The following SPRED1 variants were observed in gnomAD, a reference collection of about 807,000 sequenced individuals.
The protein encoded by SPRED1 is sprouty-related, EVH1 domain-containing protein 1.
In SPRED1, 18 loss-of-function variants were observed where a neutral mutation model predicts 52.3. That is an observed-to-expected ratio of 0.34 (90% CI 0.24 to 0.51). The LOEUF (loss-of-function observed/expected upper bound fraction) is 0.51, where lower values mean the gene tolerates loss of function less well. Among genes scored for constraint, SPRED1 ranks in the 20% least tolerant of loss-of-function variants. The pLI, the probability that SPRED1 is intolerant of heterozygous loss-of-function variation, is 0.97. For missense variants in SPRED1, 485 were observed against 551.0 expected (o/e 0.88, Z 1.20); for synonymous variants, 155 against 179.7 (o/e 0.86, Z 1.10).
chr15:38,296,878 A>G (rs1361594802), intron 1 of SPRED1, among the ~76,000 whole-genome samples: 1 of 152,196 alleles, frequency 6.6e-6, no homozygotes, highest in African/African-American at 2.4e-5. Context: ...ACCTACCATC[A>G]TGAAAGTAAG....
chr15:38,253,761 A>G (rs536739431), intron 1 of SPRED1, among the ~76,000 whole-genome samples: 5 of 152,250 alleles, frequency 3.3e-5, no homozygotes, highest in South Asian at 2.1e-4. Flanking sequence ...AAATAGGGTT[A>G]GGGAAACATT....
chr15:38,299,582 A>G (rs997306826), intron 2 of SPRED1, 35 bp downstream of exon 2: 1 of 1,583,300 alleles, frequency 6.3e-7, no homozygotes, highest in Non-Finnish European at 8.7e-7. Context: ...ATAATTTTAG[A>G]TAATGAATTA....
chr15:38,326,555 C>A (rs1475139445), intron 4 of SPRED1, among the ~76,000 whole-genome samples: 1 of 152,148 alleles, frequency 6.6e-6, no homozygotes, highest in Non-Finnish European at 1.5e-5. Context: ...CTCAGAGAAA[C>A]TTTCGATTGA....
intron 1 of SPRED1, among the ~76,000 whole-genome samples, chr15:38,272,999 A>C (rs1175916134): frequency 6.6e-6 from 1 of 152,264 alleles, no homozygotes; most frequent in East Asian, 1.9e-4. Flanking sequence ...CTCTGTTGAT[A>C]GTTTCCTTTG....
chr15:38,289,333 C>T (rs1189582085), intron 1 of SPRED1, among the ~76,000 whole-genome samples: 2 of 150,140 alleles, frequency 1.3e-5, no homozygotes, highest in Admixed American at 6.6e-5. Context: ...GGATTTTATT[C>T]ATGAACTTAG....
At chr15:38,340,204 C>T (rs1896001461) in intron 5 of SPRED1, among the ~76,000 whole-genome samples, 1 of 152,166 alleles carries the variant, frequency 6.6e-6, no homozygotes, top group African/African-American at 2.4e-5. Flanking sequence ...GATGTGTTTA[C>T]TATATGTTTT....
intron 1 of SPRED1, among the ~76,000 whole-genome samples, chr15:38,281,790 T>C (rs1411714104): frequency 6.6e-6 from 1 of 152,136 alleles, no homozygotes; most frequent in Non-Finnish European, 1.5e-5. Flanking sequence ...ATAAAATACA[T>C]AGCTTTAGAG....
At chr15:38,344,177 T>C (rs938888505) in intron 5 of SPRED1, among the ~76,000 whole-genome samples, 6 of 152,218 alleles carry the variant, frequency 3.9e-5, no homozygotes, top group South Asian at 2.1e-4. Flanking sequence ...TTCCCACATA[T>C]TGAGTGGCGG....
rs8027166 is a variant in SPRED1, at chr15:38,329,185, G to T, written c.423+4376G>T. Among the ~76,000 whole-genome samples the T allele has an allele frequency of 4.6e-5, 7 of 152,100 alleles. No individual in the cohort carries two copies. The East Asian group carries it at 1.2e-3, about 25-fold the overall frequency. The stretch of plus-strand genomic sequence containing the variant: ...TCACAACAGGCTTGAGGTTGAAAGA[G>T]GAAAAGATCTTAGATATCATGTTTT... On this transcript the variant is annotated intron_variant, in intron 4 of 6. Transcript: ENST00000299084.
intron 4 of SPRED1, among the ~76,000 whole-genome samples, chr15:38,332,767 G>C (rs1326969202): frequency 4.6e-5 from 7 of 152,176 alleles, no homozygotes; most frequent in South Asian, 2.1e-4. Flanking sequence ...CTTAGGCAGA[G>C]CCCTCCTTAC....
At chr15:38,323,901 G>A (rs1486973301) in intron 3 of SPRED1, among the ~76,000 whole-genome samples, 1 of 152,140 alleles carries the variant, frequency 6.6e-6, no homozygotes, top group African/African-American at 2.4e-5. Context: ...AACAGATTGG[G>A]TTTAATGTTT....
intron 1 of SPRED1, among the ~76,000 whole-genome samples, chr15:38,265,666 T>C (rs1894293309): frequency 1.3e-5 from 2 of 151,846 alleles, no homozygotes; most frequent in Admixed American, 1.3e-4. Flanking sequence ...ATAAAAGGAG[T>C]ATATTTCTAG....
At chr15:38,334,950 A>G (rs1321806991) in intron 4 of SPRED1, among the ~76,000 whole-genome samples, 1 of 151,690 alleles carries the variant, frequency 6.6e-6, no homozygotes, top group Non-Finnish European at 1.5e-5. Context: ...GCAAAAAAGT[A>G]TTTCTATTTC....
intron 5 of SPRED1, among the ~76,000 whole-genome samples, chr15:38,341,653 C>A (rs1478409265): frequency 1.3e-5 from 2 of 151,978 alleles, no homozygotes; most frequent in Non-Finnish European, 2.9e-5. Context: ...CGGGTTGTTT[C>A]ATTTCTAAAT....
intron 2 of SPRED1, among the ~76,000 whole-genome samples, chr15:38,319,232 G>A (rs1336352625): frequency 6.6e-6 from 1 of 152,110 alleles, no homozygotes; most frequent in African/African-American, 2.4e-5. Context: ...AGTAATTTAT[G>A]ACACTACCAT....
chr15:38,335,819 A>G (rs1257134418), intron 4 of SPRED1, among the ~76,000 whole-genome samples: 1 of 152,040 alleles, frequency 6.6e-6, no homozygotes, highest in Non-Finnish European at 1.5e-5. Context: ...TCTAGCAATA[A>G]TATTCATAAA....
chr15:38,323,370 A>G (rs905958543), intron 3 of SPRED1, among the ~76,000 whole-genome samples: 2 of 152,084 alleles, frequency 1.3e-5, no homozygotes, highest in African/African-American at 4.8e-5. Flanking sequence ...AATAGTAGCC[A>G]TTTTGTCTTT....
intron 5 of SPRED1, among the ~76,000 whole-genome samples, chr15:38,347,617 C>T (rs1896169635): frequency 1.3e-5 from 2 of 151,658 alleles, no homozygotes; most frequent in Non-Finnish European, 2.9e-5. Flanking sequence ...TCATCTTATT[C>T]GTGAATATGA....
chr15:38,264,097 A>G (rs1268553833), intron 1 of SPRED1, among the ~76,000 whole-genome samples: 2 of 152,230 alleles, frequency 1.3e-5, no homozygotes, highest in Non-Finnish European at 2.9e-5. Context: ...GGATGGAGCA[A>G]GGCCTAGGAC....
Sources: gnomAD v4.1 joint callset for allele counts (sites outside exome capture counted in the v4.1 genomes callset) on GRCh38, gnomAD v4.1.1 for gene constraint, MANE v1.5 for transcripts, NCBI Gene and HGNC (gene_info 2026-07-23, HGNC 2026-07-21) for gene names.